NAPB: variants seen among roughly 807,000 people sequenced by gnomAD.
NAPB encodes beta-soluble NSF attachment protein.
In NAPB, 26 loss-of-function variants were observed where a neutral mutation model predicts 44.7. The ratio of observed to expected loss-of-function variants is 0.58; its 90% CI spans 0.43 to 0.81. NAPB has a LOEUF of 0.81. Among genes scored for constraint, NAPB ranks in the 30% least tolerant of loss-of-function variants. NAPB has a pLI of 0.00. For synonymous variants in NAPB, 120 were observed against 116.8 expected, an observed-to-expected ratio of 1.03 and a Z score of -0.18; for missense variants, 315 against 356.4, an observed-to-expected ratio of 0.88 and a Z score of 0.94.
rs552924487 is a variant in NAPB at position 23,419,795 on chromosome 20, T to C, written c.98+1510A>G. Among the ~76,000 whole-genome samples, 3 of 152,376 alleles carry C rather than the reference T, an allele frequency of 2.0e-5. No individual in the cohort carries two copies. The South Asian group carries it at 6.2e-4, about 32-fold the overall frequency. On this transcript the variant is annotated intron_variant, in intron 1 of 10. Transcript: ENST00000377026. ...CTGTGATAAACGTCCTCTGAGAGGT[T>C]CCTGAGGACAGGGACCCTTATCTTC...
intron 7 of NAPB, among the ~76,000 whole-genome samples, chr20:23,385,421 G>A (rs1983418703): frequency 6.6e-6 from 1 of 152,142 alleles, no homozygotes; most frequent in Non-Finnish European, 1.5e-5. Flanking sequence ...CACAACTAAA[G>A]TTGGAGATTT....
intron 7 of NAPB, among the ~76,000 whole-genome samples, chr20:23,384,530 G>C (rs1379971436): frequency 1.3e-5 from 2 of 152,098 alleles, no homozygotes; most frequent in African/African-American, 4.8e-5. Context: ...GCTGAGGTGG[G>C]AGGACTGCTT....
intron 2 of NAPB, among the ~76,000 whole-genome samples, chr20:23,401,808 G>A (rs1490547640): frequency 1.3e-5 from 2 of 152,230 alleles, no homozygotes; most frequent in Non-Finnish European, 2.9e-5. Context: ...TTGAGCCCCA[G>A]AGGCAGAGAT....
At position 23,397,055 on chromosome 20, in the gene NAPB, A is replaced by T; in HGVS notation, c.295+17T>A. On this transcript the variant is annotated intron_variant, in intron 3 of 10. Transcript: ENST00000377026. ...GTTACACACAGAGATAGCATGCTACATGCCTGGCTGTCTTACCTTGGGGAT... is the reference window on the plus strand; with the variant it reads ...GTTACACACAGAGATAGCATGCTACTTGCCTGGCTGTCTTACCTTGGGGAT... The T allele has an allele frequency of 1.9e-6, 3 of 1,611,120 alleles. No homozygotes were observed. Among genetic ancestry groups the T allele is most frequent in the Non-Finnish European group, 2.5e-6 (3 of 1,177,698 alleles).
chr20:23,384,690 AC>A (rs1177380121), intron 7 of NAPB, among the ~76,000 whole-genome samples: 1 of 152,192 alleles, frequency 6.6e-6, no homozygotes, highest in Non-Finnish European at 1.5e-5. Flanking sequence ...AAACAGAGAA[AC>A]AAAAAGCAAA....
intron 1 of NAPB, among the ~76,000 whole-genome samples, chr20:23,408,495 C>T (rs777128765): frequency 6.6e-6 from 1 of 152,196 alleles, no homozygotes; most frequent in African/African-American, 2.4e-5. Context: ...CTGAACGTGC[C>T]TCTGCCATAC....
rs1253011902 is a variant in NAPB at position 23,377,498 on chromosome 20, A to T, written c.787-12T>A. The T allele has an allele frequency of 1.1e-5, 17 of 1,562,678 alleles. No homozygotes were observed. Among genetic ancestry groups the T allele is most frequent in the Non-Finnish European group, 1.4e-5 (16 of 1,141,512 alleles). ...TCAAATTCCTTCACCTAGTATAAGG[A>T]AAGAGGAACAGGAATTACCCCATGT... is the stretch of plus-strand genomic sequence containing the variant. On this transcript the variant is annotated splice_polypyrimidine_tract_variant and intron_variant, in intron 10 of 10. Transcript: ENST00000377026.
intron 10 of NAPB, among the ~76,000 whole-genome samples, chr20:23,378,148 C>T (rs6106648): frequency 0.011 from 1,109 of 104,274 alleles, 13 homozygotes; most frequent in African/African-American, 0.041. Context: ...CTTGTCTCAA[C>T]AAAAAATGCA....
chr20:23,377,277 A>C lies in NAPB; in HGVS notation c.*99T>G. 1 of 651,204 alleles carries C rather than the reference A, an allele frequency of 1.5e-6. No individual in the cohort carries two copies. The highest frequency in any genetic ancestry group is 2.5e-6 in the Non-Finnish European group (1 of 397,608). The allele number at this position is 651,204 out of a possible 1,614,324, so 40.3% of individuals were successfully genotyped here. ...TACACAGGCCGTCTGGCTCATATGC[A>C]ACAAAATTAAGCCATTAAATAGGCA... is the stretch of plus-strand genomic sequence containing the variant. On this transcript the variant is annotated 3_prime_UTR_variant, in exon 11 of 11. Coordinates refer to ENST00000377026, the MANE Select transcript of NAPB (RefSeq NM_022080.3).
intron 7 of NAPB, among the ~76,000 whole-genome samples, chr20:23,387,850 T>C (rs1246197147): frequency 6.6e-6 from 1 of 152,212 alleles, no homozygotes; most frequent in Non-Finnish European, 1.5e-5. Context: ...TTGAGTGGGC[T>C]ACAGGGTGCC....
intron 5 of NAPB, among the ~76,000 whole-genome samples, chr20:23,394,107 T>C (rs1171257443): frequency 6.6e-6 from 1 of 152,140 alleles, no homozygotes; most frequent in Non-Finnish European, 1.5e-5. Context: ...GCTGTTCCTC[T>C]TAGTGAAAGG....
chr20:23,407,179 T>C (rs2253834), intron 1 of NAPB, among the ~76,000 whole-genome samples: 86,218 of 152,080 alleles, frequency 0.57, 26,273 homozygotes, highest in East Asian at 0.88. Flanking sequence ...TGTCATAAAC[T>C]GACCATAACT....
rs751686073 is a variant in NAPB, at chr20:23,390,258, C to T, written c.427G>A (p.Ala143Thr). The T allele has an allele frequency of 6.2e-7, 1 of 1,609,940 alleles. No homozygotes were observed. Among genetic ancestry groups the T allele is most frequent in the Admixed American group, 1.7e-5 (1 of 60,004 alleles). ...TELVDIEKAIAHYEQSADYYK... is the reference protein window; with the variant it reads ...TELVDIEKAITHYEQSADYYK... ...TAATCAGCAGATTGTTCATAATGTG[C>T]AATAGCCTGAAAACATACATATTTT... is the stretch of plus-strand genomic sequence containing the variant. The change falls in exon 6 of 11, where the codon GCA becomes ACA. Residue 143 changes from alanine to threonine, a missense_variant. Ala to Thr is a moderately conservative substitution (Grantham distance 58). Transcript: ENST00000377026.
intron 7 of NAPB, among the ~76,000 whole-genome samples, chr20:23,385,781 GAGAA>G (rs1983468169): frequency 2.0e-5 from 3 of 148,816 alleles, no homozygotes; most frequent in African/African-American, 7.5e-5. Flanking sequence ...GAGAGAGAGA[GAGAA>G]AGAGAAAGAA....
chr20:23,377,533 A>T, intron 10 of NAPB, 47 bp from the exon 11 acceptor site: 1 of 1,259,298 alleles, frequency 7.9e-7, no homozygotes, highest in Non-Finnish European at 1.1e-6. Flanking sequence ...TAAATACATT[A>T]AAAACACAAA....
Position 23,411,468 on chromosome 20 carries a change from C to T in NAPB, c.99-8396G>A, listed in dbSNP as rs1349687786. Among the ~76,000 whole-genome samples the T allele has an allele frequency of 2.0e-5, 3 of 152,194 alleles. No homozygotes were observed. The East Asian group carries it at 5.8e-4, about 29-fold the overall frequency. ...AACCAGGCCATCCAGCATGCAACCC[C>T]CAGTGTAAGCCAGGACCCAAGGGAT... is the stretch of plus-strand genomic sequence containing the variant. On this transcript the variant is annotated intron_variant, in intron 1 of 10. Coordinates refer to ENST00000377026, the MANE Select transcript of NAPB (RefSeq NM_022080.3).
At chr20:23,378,815 A>ATTTTTTTTTTTTT (rs151308263) in intron 10 of NAPB, 3 of 125,546 alleles carry the variant, frequency 2.4e-5, no homozygotes, top group Non-Finnish European at 4.9e-5. Context: ...ATTATATTTA[A>ATTTTTTTTTTTTT]TTTTTTTTTT....
intron 1 of NAPB, 33 bp downstream of exon 1, chr20:23,421,272 C>T (rs757633372): frequency 9.1e-5 from 128 of 1,406,126 alleles, no homozygotes; most frequent in Non-Finnish European, 3.7e-5. Flanking sequence ...CGGAGACCCC[C>T]CCCCCCCAGG....
chr20:23,397,144 G>C lies in NAPB; in HGVS notation c.223C>G (p.Leu75Val), dbSNP rs1240485539. The C allele has an allele frequency of 1.9e-6, 3 of 1,613,386 alleles. No homozygotes were observed. The highest frequency in any genetic ancestry group is 2.5e-6 in the Non-Finnish European group (3 of 1,179,524). ...FCQAAKLHMQLQSKHDSATSF... is the reference protein window; with the variant it reads ...FCQAAKLHMQVQSKHDSATSF... Reference sequence around the variant, plus strand: ...GTAGCAGAGTCATGTTTGCTCTGAAGCTGCATGTGGAGCTTGGCTGCCTGA... The same window carrying C: ...GTAGCAGAGTCATGTTTGCTCTGAACCTGCATGTGGAGCTTGGCTGCCTGA... Residue 75 changes from leucine (L) to valine (V), a missense_variant, in exon 3 of 11, where the codon CTT (leucine) becomes GTT (valine). Leu to Val is a conservative substitution (Grantham distance 32, BLOSUM62 1). Transcript: ENST00000377026.
Sources: allele counts gnomAD v4.1 joint callset (sites outside exome capture counted in the v4.1 genomes callset), GRCh38; gene constraint gnomAD v4.1.1; transcripts MANE v1.5; gene names NCBI Gene and HGNC (gene_info 2026-07-23, HGNC 2026-07-21).